Variants in SCD5 observed in about 807,000 individuals in gnomAD.
SCD5 encodes stearoyl-CoA desaturase 5.
SCD5 carries 20 observed loss-of-function variants against 30.4 expected under a neutral mutation model. The observed-to-expected ratio is 0.66, with a 90% CI of 0.46 to 0.96. The LOEUF (loss-of-function observed/expected upper bound fraction) is 0.96, where lower values mean the gene tolerates loss of function less well. Among genes scored for constraint, SCD5 ranks in the 40% least tolerant of loss-of-function variants. The pLI, the probability that SCD5 is intolerant of heterozygous loss-of-function variation, is 0.00. For missense variants in SCD5, 381 were observed against 443.3 expected, an observed-to-expected ratio of 0.86 and a Z score of 1.26; for synonymous variants, 173 against 176.4, an observed-to-expected ratio of 0.98 and a Z score of 0.16.
intron 2 of SCD5, among the ~76,000 whole-genome samples, chr4:82,687,788 G>C (rs1282121163): frequency 6.6e-6 from 1 of 152,128 alleles, no homozygotes; most frequent in African/African-American, 2.4e-5. Context: ...TCAATCTCAA[G>C]AGTCCACCGA....
At chr4:82,684,873 C>T (rs1162894949) in intron 2 of SCD5, among the ~76,000 whole-genome samples, 1 of 152,182 alleles carries the variant, frequency 6.6e-6, no homozygotes, top group Non-Finnish European at 1.5e-5. Flanking sequence ...ATGACAAATG[C>T]CCATCATGAA....
intron 3 of SCD5, among the ~76,000 whole-genome samples, chr4:82,679,254 A>G (rs1379250864): frequency 2.3e-4 from 26 of 112,724 alleles, no homozygotes; most frequent in South Asian, 2.8e-4. Flanking sequence ...GAAAGAAAGA[A>G]AGAAAGAAGG....
At chr4:82,710,716 G>C (rs1397460330) in intron 1 of SCD5, among the ~76,000 whole-genome samples, 1 of 152,098 alleles carries the variant, frequency 6.6e-6, no homozygotes. Flanking sequence ...TCTGGGCTCT[G>C]GCCAATTAGT....
chr4:82,631,398 T>C lies in SCD5; in HGVS notation c.922A>G (p.Thr308Ala). ...GGCTTGGTTGCCCGTTTGCGGTCAG[T>C]GGCCAGCCCCAGCCAGCACATGAAA... ...IDFMCWLGLA[T>A]DRKRATKPMI... The change falls in exon 5 of 5, where the codon ACT (threonine) becomes GCT (alanine). Residue 308 changes from threonine to alanine, a missense_variant. By Grantham distance (58) the Thr-to-Ala change is moderately conservative (BLOSUM62 0). Transcript: ENST00000319540. 6.2e-7 allele frequency: 1 copy of C among 1,614,102 alleles called. No individual in the cohort carries two copies. Among genetic ancestry groups the C allele is most frequent in the Non-Finnish European group, 8.5e-7 (1 of 1,180,018 alleles).
intron 1 of SCD5, among the ~76,000 whole-genome samples, chr4:82,707,646 G>A (rs370517344): frequency 1.3e-5 from 2 of 152,230 alleles, no homozygotes; most frequent in African/African-American, 2.4e-5. Context: ...ATGTTGGGGA[G>A]GCCCATGTGG....
At chr4:82,734,216 G>A (rs1199609535) in intron 1 of SCD5, among the ~76,000 whole-genome samples, 1 of 152,176 alleles carries the variant, frequency 6.6e-6, no homozygotes, top group African/African-American at 2.4e-5. Flanking sequence ...GGAGGCAAAT[G>A]CTTACTAGTG....
intron 1 of SCD5, among the ~76,000 whole-genome samples, chr4:82,712,253 T>C (rs1720109280): frequency 4.2e-5 from 1 of 24,048 alleles, no homozygotes; most frequent in Non-Finnish European, 7.4e-5. Context: ...CATATATATA[T>C]ATATATATAT....
intron 1 of SCD5, among the ~76,000 whole-genome samples, chr4:82,792,109 T>A (rs1228468372): frequency 6.6e-6 from 1 of 151,920 alleles, no homozygotes; most frequent in East Asian, 1.9e-4. Context: ...AATACAAAAT[T>A]GGCCAGGCAT....
chr4:82,770,410 T>A (rs550103576), intron 1 of SCD5, among the ~76,000 whole-genome samples: 2 of 152,232 alleles, frequency 1.3e-5, no homozygotes, highest in African/African-American at 4.8e-5. Flanking sequence ...TAAGGGTTGA[T>A]GAGTTGCAGC....
At chr4:82,703,380 G>A (rs1560538399) in intron 2 of SCD5, among the ~76,000 whole-genome samples, 1 of 152,058 alleles carries the variant, frequency 6.6e-6, no homozygotes, top group East Asian at 1.9e-4. Context: ...GAGAAGGGGA[G>A]AACAATATTC....
intron 1 of SCD5, among the ~76,000 whole-genome samples, chr4:82,792,883 T>C (rs1009034207): frequency 1.3e-5 from 2 of 152,208 alleles, no homozygotes; most frequent in African/African-American, 4.8e-5. Context: ...ACTCTGCAGC[T>C]CTCTTTCTCA....
At chr4:82,679,755 GA>G (rs1728528842) in intron 3 of SCD5, among the ~76,000 whole-genome samples, 1 of 152,166 alleles carries the variant, frequency 6.6e-6, no homozygotes, top group Non-Finnish European at 1.5e-5. Flanking sequence ...GCTTTGGGGG[GA>G]AAGAGCACAG....
At chr4:82,715,771 C>T (rs958875816) in intron 1 of SCD5, among the ~76,000 whole-genome samples, 18 of 151,702 alleles carry the variant, frequency 1.2e-4, no homozygotes. Flanking sequence ...TCTTAGCTGT[C>T]ATAGGATGAT....
intron 1 of SCD5, among the ~76,000 whole-genome samples, chr4:82,792,227 C>T (rs1415695516): frequency 6.6e-6 from 1 of 151,546 alleles, no homozygotes; most frequent in South Asian, 2.1e-4. Flanking sequence ...ACTGCACTTG[C>T]ACTCCAGCCT....
intron 4 of SCD5, among the ~76,000 whole-genome samples, chr4:82,632,817 T>C (rs1331176741): frequency 6.6e-6 from 1 of 152,212 alleles, no homozygotes; most frequent in African/African-American, 2.4e-5. Context: ...AGAGCTCTCA[T>C]GGCTTCTCTG....
At chr4:82,730,351 C>A (rs1720607145) in intron 1 of SCD5, among the ~76,000 whole-genome samples, 4 of 149,804 alleles carry the variant, frequency 2.7e-5, no homozygotes, top group Admixed American at 2.0e-4. Flanking sequence ...AGCTGGAGTC[C>A]AGTGGCACGA....
intron 1 of SCD5, among the ~76,000 whole-genome samples, chr4:82,742,500 T>C (rs983410837): frequency 1.3e-5 from 2 of 152,202 alleles, no homozygotes; most frequent in African/African-American, 4.8e-5. Flanking sequence ...AAGATGCACC[T>C]TTCTGGCCGG....
intron 1 of SCD5, among the ~76,000 whole-genome samples, chr4:82,782,383 T>G (rs968313977): frequency 6.6e-6 from 1 of 152,056 alleles, no homozygotes; most frequent in Non-Finnish European, 1.5e-5. Flanking sequence ...ACAGCATCAG[T>G]GTGCTTGTCC....
chr4:82,769,802 G>A (rs1043997753), intron 1 of SCD5, among the ~76,000 whole-genome samples: 16 of 152,098 alleles, frequency 1.1e-4, no homozygotes, highest in Admixed American at 9.2e-4. Flanking sequence ...AGAGTGAGAG[G>A]GAGGAAGGGG....
Sources: gnomAD v4.1 joint callset for allele counts (sites outside exome capture counted in the v4.1 genomes callset) on GRCh38, gnomAD v4.1.1 for gene constraint, MANE v1.5 for transcripts, NCBI Gene and HGNC (gene_info 2026-07-23, HGNC 2026-07-21) for gene names.